Variants in METTL24 observed in about 807,000 individuals in gnomAD.
METTL24 encodes the protein probable methyltransferase-like protein 24.
In METTL24, 29 loss-of-function variants were observed where a neutral mutation model predicts 32.7. The observed-to-expected ratio is 0.89, with a 90% confidence interval of 0.66 to 1.21. The LOEUF (loss-of-function observed/expected upper bound fraction) is 1.21, where lower values mean the gene tolerates loss of function less well. Ranked by LOEUF, METTL24 falls within the 50% of genes most tolerant of loss-of-function variation. The pLI is 0.00. For synonymous variants in METTL24, 163 were observed against 179.5 expected (o/e 0.91, Z 0.73); for missense variants, 439 against 468.1 (o/e 0.94, Z 0.57).
At chr6:110,331,702 A>G (rs920115500) in intron 1 of METTL24, among the ~76,000 whole-genome samples, 3 of 150,928 alleles carry the variant, frequency 2.0e-5, no homozygotes, top group African/African-American at 4.9e-5. Flanking sequence ...TGACTGAAAG[A>G]CCCCCCAAAT....
At position 110,271,075 on chromosome 6, in the gene METTL24, G is replaced by C. The variant is rs140403259; in HGVS notation, c.787-24815C>G. ...GGGTTTTGCCACATTGGCCAGGCTG[G>C]TCTCGAACTCCTGACCTCAGATGAT... is the stretch of plus-strand genomic sequence containing the variant. On this transcript the variant is annotated intron_variant, in intron 4 of 4. Coordinates refer to ENST00000338882, the MANE Select transcript of METTL24 (RefSeq NM_001123364.3). 1.5e-3 allele frequency among the ~76,000 whole-genome samples: 221 copies of C among 151,854 alleles called. 1 individual carries two copies. Among genetic ancestry groups the C allele is most frequent in the African/African-American group, 5.2e-3 (214 of 41,408 alleles).
chr6:110,355,646 G>C (rs1772685231), intron 1 of METTL24, among the ~76,000 whole-genome samples: 1 of 152,096 alleles, frequency 6.6e-6, no homozygotes. Context: ...CCAAGCTCTG[G>C]ACTCACACGT....
At chr6:110,288,935 G>A (rs549715717) in intron 4 of METTL24, among the ~76,000 whole-genome samples, 71 of 152,298 alleles carry the variant, frequency 4.7e-4, no homozygotes, top group African/African-American at 1.7e-3. Context: ...AACAACCACT[G>A]GCTGGAGCTA....
chr6:110,261,817 C>T (rs899237134), intron 4 of METTL24, among the ~76,000 whole-genome samples: 1 of 152,188 alleles, frequency 6.6e-6, no homozygotes, highest in Non-Finnish European at 1.5e-5. Flanking sequence ...GAAACTCACT[C>T]AAAACCGCTC....
At chr6:110,345,614 A>G (rs570024642) in intron 1 of METTL24, among the ~76,000 whole-genome samples, 3 of 152,336 alleles carry the variant, frequency 2.0e-5, no homozygotes, top group African/African-American at 7.2e-5. Flanking sequence ...GAATGAGATC[A>G]TGTCTTTTGC....
intron 1 of METTL24, among the ~76,000 whole-genome samples, chr6:110,330,201 A>T (rs1395209902): frequency 6.6e-6 from 1 of 152,074 alleles, no homozygotes; most frequent in Non-Finnish European, 1.5e-5. Flanking sequence ...AAGTAATCCC[A>T]CTAAGATGGT....
intron 1 of METTL24, among the ~76,000 whole-genome samples, chr6:110,336,568 G>A (rs1264293906): frequency 2.6e-5 from 4 of 151,952 alleles, no homozygotes; most frequent in East Asian, 1.9e-4. Flanking sequence ...GTGAAACCCC[G>A]TCTCTACTAA....
intron 1 of METTL24, among the ~76,000 whole-genome samples, chr6:110,331,810 C>T (rs1450900511): frequency 6.6e-6 from 1 of 152,100 alleles, no homozygotes; most frequent in African/African-American, 2.4e-5. Context: ...AAGCAAAGTG[C>T]TGGATATTAA....
At chr6:110,353,657 C>T (rs1194980530) in intron 1 of METTL24, among the ~76,000 whole-genome samples, 1 of 150,366 alleles carries the variant, frequency 6.7e-6, no homozygotes, top group East Asian at 2.0e-4. Context: ...TCAGAAGTCA[C>T]TTTTCTATCC....
chr6:110,255,121 G>T (rs548783644), intron 4 of METTL24, among the ~76,000 whole-genome samples: 1 of 152,168 alleles, frequency 6.6e-6, no homozygotes, highest in African/African-American at 2.4e-5. Context: ...AATATGAAGG[G>T]TCACTCTAAG....
At chr6:110,290,640 T>G (rs1377816441) in intron 4 of METTL24, among the ~76,000 whole-genome samples, 1 of 152,220 alleles carries the variant, frequency 6.6e-6, no homozygotes, top group African/African-American at 2.4e-5. Context: ...ATTTGAGTTG[T>G]TTCCAGTTGA....
chr6:110,273,700 A>T (rs1313327623), intron 4 of METTL24, among the ~76,000 whole-genome samples: 1 of 152,140 alleles, frequency 6.6e-6, no homozygotes, highest in Non-Finnish European at 1.5e-5. Context: ...CAAGAATGGC[A>T]ATAATTTAAA....
chr6:110,257,933 A>C (rs137966111), intron 4 of METTL24, among the ~76,000 whole-genome samples: 2 of 152,322 alleles, frequency 1.3e-5, no homozygotes, highest in African/African-American at 2.4e-5. Flanking sequence ...TGTGTGCAAA[A>C]ATGTATGTCT....
intron 4 of METTL24, among the ~76,000 whole-genome samples, chr6:110,279,173 A>G (rs1262530496): frequency 1.3e-5 from 2 of 152,228 alleles, no homozygotes; most frequent in Admixed American, 1.3e-4. Flanking sequence ...TGCATTTCAC[A>G]TGGGCTAGGC....
intron 1 of METTL24, among the ~76,000 whole-genome samples, chr6:110,353,531 A>G (rs1297401661): frequency 6.6e-6 from 1 of 150,902 alleles, no homozygotes; most frequent in Non-Finnish European, 1.5e-5. Context: ...GTTTTTCAGG[A>G]GAAGAGGAAA....
Position 110,246,125 on chromosome 6 carries a change from C to T in METTL24, c.922G>A (p.Gly308Ser). The T allele has an allele frequency of 6.2e-7, 1 of 1,614,178 alleles. No homozygotes were observed. The highest frequency in any genetic ancestry group is 8.5e-7 in the Non-Finnish European group (1 of 1,180,040). ...AACCGCACAACGCTGCTGTCACTGC[C>T]ACTGACCTCAAACCCAGGCCAGTGG... Reference protein sequence around the residue: ...HLHWPGFEVSGSDSSVVRFWY... With the variant: ...HLHWPGFEVSSSDSSVVRFWY... Residue 308 changes from glycine (G) to serine (S), a missense_variant, in exon 5 of 5, where the codon GGC (glycine) becomes AGC (serine). Gly to Ser is a moderately conservative substitution (Grantham distance 56). Transcript: ENST00000338882.
At chr6:110,324,405 G>A (rs4945853) in intron 1 of METTL24, among the ~76,000 whole-genome samples, 8 of 151,984 alleles carry the variant, frequency 5.3e-5, no homozygotes, top group African/African-American at 1.9e-4. Flanking sequence ...AGCTGTATGG[G>A]CATGCAACCT....
intron 1 of METTL24, among the ~76,000 whole-genome samples, chr6:110,345,466 C>CACAT (rs1772452739): frequency 6.6e-6 from 1 of 152,204 alleles, no homozygotes; most frequent in South Asian, 2.1e-4. Flanking sequence ...ACCATAAAGA[C>CACAT]ACATGCACAT....
chr6:110,258,323 C>T (rs1778422705), intron 4 of METTL24, among the ~76,000 whole-genome samples: 1 of 152,160 alleles, frequency 6.6e-6, no homozygotes, highest in Admixed American at 6.5e-5. Context: ...CAAAAGCCAT[C>T]TATATAAGTA....
Sources: gnomAD v4.1 joint callset for allele counts (sites outside exome capture counted in the v4.1 genomes callset) on GRCh38, gnomAD v4.1.1 for gene constraint, MANE v1.5 for transcripts, NCBI Gene and HGNC (gene_info 2026-07-23, HGNC 2026-07-21) for gene names.